GSG1L2: variants seen among roughly 807,000 people sequenced by gnomAD.
GSG1L2 encodes the protein GSG1 like 2, also known as germ cell-specific gene 1-like protein 2.
GSG1L2 carries 15 observed loss-of-function variants against 9.0 expected under a neutral mutation model. That is an observed-to-expected ratio of 1.67 (90% CI 1.12 to 2.57). The LOEUF is 2.57. GSG1L2 is among the 30% of genes most tolerant of loss of function. GSG1L2 has a pLI of 0.00. For missense variants in GSG1L2, 286 were observed against 150.3 expected (o/e 1.90, Z -4.72); for synonymous variants, 127 against 57.9 (o/e 2.19, Z -5.41).
At chr17:9,821,622 A>G in intron 1 of GSG1L2, 140 bp downstream of exon 1, 2 of 627,608 alleles carry the variant, frequency 3.2e-6, no homozygotes, top group African/African-American at 1.8e-5. Context: ...TCAAACCCAG[A>G]CAGCCTGGCT....
intron 1 of GSG1L2, among the ~76,000 whole-genome samples, chr17:9,811,245 T>C (rs2066537816): frequency 6.6e-6 from 1 of 152,222 alleles, no homozygotes; most frequent in Non-Finnish European, 1.5e-5. Flanking sequence ...CAGAGCCATG[T>C]CTGTTACTAA....
rs1487443413 is a variant in GSG1L2 at position 9,820,562 on chromosome 17, G to A, written c.310+1200C>T. Among the ~76,000 whole-genome samples the A allele has an allele frequency of 6.6e-6, 1 of 152,132 alleles. No homozygotes were observed. The highest frequency in any genetic ancestry group is 1.5e-5 in the Non-Finnish European group (1 of 68,030). On this transcript the variant is annotated intron_variant, in intron 1 of 4. Coordinates refer to ENST00000399363, the MANE Select transcript of GSG1L2 (RefSeq NM_001310219.2). The surrounding 1 kb of genome is among the most constrained non-coding windows in gnomAD (Gnocchi z 4.9). Reference sequence around the variant, plus strand: ...AAGCACAAGACACAGGCACTGGCCTGGATACATGGGAGGTTCAGTCAGGCT... The same window carrying A: ...AAGCACAAGACACAGGCACTGGCCTAGATACATGGGAGGTTCAGTCAGGCT...
intron 3 of GSG1L2, 179 bp from the exon 4 acceptor site, chr17:9,807,780 G>C: frequency 1.7e-6 from 1 of 578,426 alleles, no homozygotes; most frequent in Non-Finnish European, 3.1e-6. Flanking sequence ...AAACTGAAGA[G>C]ACATCCGGAA....
intron 2 of GSG1L2, 87 bp downstream of exon 2, chr17:9,810,484 C>T: frequency 2.9e-6 from 2 of 681,696 alleles, no homozygotes. Context: ...ATGACTCCCT[C>T]ATCATTTCCC....
chr17:9,803,124 G>C (rs1337731550), intron 4 of GSG1L2, among the ~76,000 whole-genome samples: 1 of 83,330 alleles, frequency 1.2e-5, no homozygotes, highest in South Asian at 4.3e-4. Flanking sequence ...TTTTTTTTGA[G>C]ACAGAGTCCC....
chr17:9,811,508 G>C (rs2066538740), intron 1 of GSG1L2, among the ~76,000 whole-genome samples: 1 of 152,158 alleles, frequency 6.6e-6, no homozygotes, highest in South Asian at 2.1e-4. Context: ...ATATCCACTT[G>C]GTGTGAAGAT....
At position 9,817,069 on chromosome 17, in the gene GSG1L2, C is replaced by G. The variant is rs2066570678; in HGVS notation, c.310+4693G>C. On this transcript the variant is annotated intron_variant, in intron 1 of 4. Coordinates refer to ENST00000399363, the MANE Select transcript of GSG1L2 (RefSeq NM_001310219.2). ...TTAGGCTGAGAAGATGCCACCACCACCACCACACACACGCTGAGTTACACA... is the reference window on the plus strand; with the variant it reads ...TTAGGCTGAGAAGATGCCACCACCAGCACCACACACACGCTGAGTTACACA... Among the ~76,000 whole-genome samples the G allele has an allele frequency of 2.1e-5, 3 of 144,824 alleles. No homozygotes were observed. The South Asian group carries it at 7.1e-4, about 34-fold the overall frequency.
Position 9,802,238 on chromosome 17 carries a change from T to G in GSG1L2, c.*148A>C. ...AATCAAAGGCTAAAGCCAAAGGTGT[T>G]TAGTAAAAGGTGAGATGTGGAGGGG... On this transcript the variant is annotated 3_prime_UTR_variant, in exon 5 of 5. Coordinates refer to ENST00000399363, the MANE Select transcript of GSG1L2 (RefSeq NM_001310219.2). 9.2e-6 allele frequency: 5 copies of G among 544,316 alleles called. No individual in the cohort carries two copies. Among genetic ancestry groups the G allele is most frequent in the Non-Finnish European group, 1.6e-5 (5 of 305,958 alleles). The allele number at this position is 544,316 out of a possible 1,614,324, so 33.7% of individuals were successfully genotyped here.
chr17:9,809,059 G>C (rs983979633), intron 2 of GSG1L2, 77 bp from the exon 3 acceptor site: 4 of 677,500 alleles, frequency 5.9e-6, no homozygotes, highest in African/African-American at 3.5e-5. Flanking sequence ...CTTTGATTTA[G>C]TTCACTTCTA....
At chr17:9,809,490 C>T (rs982754668) in intron 2 of GSG1L2, 3 of 156,748 alleles carry the variant, frequency 1.9e-5, no homozygotes, top group Non-Finnish European at 4.2e-5. Flanking sequence ...GTGGCTGTGG[C>T]GGGCTGGGGT....
intron 1 of GSG1L2, among the ~76,000 whole-genome samples, chr17:9,818,405 C>G (rs2320262): frequency 0.51 from 77,371 of 151,426 alleles, 20,866 homozygotes; most frequent in East Asian, 0.99. Context: ...GCGATCTCGG[C>G]TCACTGCAAC....
intron 1 of GSG1L2, among the ~76,000 whole-genome samples, chr17:9,815,345 C>T (rs577716815): frequency 1.8e-4 from 28 of 152,172 alleles, no homozygotes; most frequent in Admixed American, 1.8e-3. Context: ...AGGCAAGATT[C>T]CATGGGTATG....
At chr17:9,816,566 A>ATCTCTG (rs1567711281) in intron 1 of GSG1L2, among the ~76,000 whole-genome samples, 15 of 78,108 alleles carry the variant, frequency 1.9e-4, no homozygotes, top group Middle Eastern at 0.011. Flanking sequence ...GTGCATGCAT[A>ATCTCTG]TCTGTGTCTG....
chr17:9,809,024 T>C (rs1300148104), intron 2 of GSG1L2, 42 bp from the exon 3 acceptor site: 6 of 697,834 alleles, frequency 8.6e-6, no homozygotes, highest in South Asian at 7.4e-5. Flanking sequence ...ACACTTCTAA[T>C]TCAGAAATAC....
chr17:9,821,962 C>T lies in GSG1L2; in HGVS notation c.110G>A (p.Arg37Gln), dbSNP rs9915294. 188,954 of 702,986 alleles carry T rather than the reference C, an allele frequency of 0.27. 30,617 individuals carry two copies. The highest frequency in any genetic ancestry group is 0.35 in the Non-Finnish European group (134,370 of 384,966). The allele number at this position is 702,986 out of a possible 1,614,324, so 43.5% of individuals were successfully genotyped here. The change falls in exon 1 of 5, where the codon CGG becomes CAG. Residue 37 changes from arginine (R) to glutamine (Q), a missense_variant. By Grantham distance (43) the Arg-to-Gln change is conservative. Coordinates refer to ENST00000399363, the MANE Select transcript of GSG1L2 (RefSeq NM_001310219.2). ...GTCCTGGCACAGTGGCTTCACCACC[C>T]GTCGGGTCCCCTCACACCAGTGGCT... The part of the protein sequence containing the change: ...VSSHWCEGTR[R>Q]VVKPLCQDQP...
At chr17:9,811,342 T>C (rs2066538090) in intron 1 of GSG1L2, among the ~76,000 whole-genome samples, 1 of 152,144 alleles carries the variant, frequency 6.6e-6, no homozygotes, top group Admixed American at 6.6e-5. Context: ...GTGTACCAGG[T>C]ATTGGGCAGA....
intron 1 of GSG1L2, among the ~76,000 whole-genome samples, chr17:9,816,515 TGC>T (rs746633710): frequency 4.2e-5 from 5 of 118,772 alleles, no homozygotes; most frequent in East Asian, 3.7e-4. Context: ...TGTCTGTGTG[TGC>T]GTGTCTGTGT....
rs1312223874 is a variant in GSG1L2 at position 9,820,592 on chromosome 17, A to G, written c.310+1170T>C. ...CATGGGAGGTTCAGTCAGGCTGGGT[A>G]CTGCCCCACATTGGCCACCACTGGG... On this transcript the variant is annotated intron_variant, in intron 1 of 4. Coordinates refer to ENST00000399363, the MANE Select transcript of GSG1L2 (RefSeq NM_001310219.2). The surrounding 1 kb of genome is among the most constrained non-coding windows in gnomAD (Gnocchi z 4.9). 6.6e-6 allele frequency among the ~76,000 whole-genome samples: 1 copy of G among 151,952 alleles called. No homozygotes were observed. The highest frequency in any genetic ancestry group is 1.9e-4 in the East Asian group (1 of 5,182).
chr17:9,803,208 T>C (rs1436200321), intron 4 of GSG1L2, among the ~76,000 whole-genome samples: 1 of 150,872 alleles, frequency 6.6e-6, no homozygotes, highest in Non-Finnish European at 1.5e-5. Flanking sequence ...GTTCAAGCAA[T>C]TCCCCTGCCT....
Sources: gnomAD v4.1 joint callset for allele counts (sites outside exome capture counted in the v4.1 genomes callset) on GRCh38, gnomAD v4.1.1 for gene constraint, Gnocchi (gnomAD v3.1) non-coding constraint, MANE v1.5 for transcripts, NCBI Gene and HGNC (gene_info 2026-07-23, HGNC 2026-07-21) for gene names.